Variants in SAMMSON observed in about 807,000 individuals in gnomAD.
SAMMSON encodes long intergenic non-protein coding RNA 1212.
chr3:70,204,452 G>C, intron 4 of SAMMSON: 1 of 152,110 alleles, frequency 6.6e-6, no homozygotes. Context: ...GTGGGTCTTA[G>C]GTTGGCTTCT....
intron 4 of SAMMSON, among the ~76,000 whole-genome samples, chr3:70,118,396 A>G (rs2067420008): frequency 6.6e-6 from 1 of 152,012 alleles, no homozygotes; most frequent in Admixed American, 6.5e-5. Flanking sequence ...GTTTATGTTG[A>G]CCTGAGATGT....
intron 3 of SAMMSON, among the ~76,000 whole-genome samples, chr3:70,023,460 CAA>C (rs34244262): frequency 2.3e-5 from 3 of 132,030 alleles, no homozygotes; most frequent in Admixed American, 1.5e-4. Flanking sequence ...GACTCTGTCT[CAA>C]AAAAAAAAAA....
At chr3:70,349,916 C>T (rs1050981419) in intron 7 of SAMMSON, among the ~76,000 whole-genome samples, 1 of 152,142 alleles carries the variant, frequency 6.6e-6, no homozygotes, top group Non-Finnish European at 1.5e-5. Flanking sequence ...GGGCAAATGT[C>T]AATGTGAAGT....
chr3:70,337,016 T>A (rs1438334923), intron 7 of SAMMSON, among the ~76,000 whole-genome samples: 1 of 141,406 alleles, frequency 7.1e-6, no homozygotes, highest in Non-Finnish European at 1.5e-5. Flanking sequence ...TAACTTAATA[T>A]TATTATTATT....
chr3:70,420,243 T>G (rs1380526665), intron 2 of SAMMSON, among the ~76,000 whole-genome samples: 3 of 152,182 alleles, frequency 2.0e-5, no homozygotes, highest in Non-Finnish European at 2.9e-5. Context: ...CTCTTTCCAC[T>G]GAGTGTCATG....
chr3:70,296,982 C>T (rs1467960901), intron 7 of SAMMSON, among the ~76,000 whole-genome samples: 3 of 151,992 alleles, frequency 2.0e-5, no homozygotes, highest in Non-Finnish European at 4.4e-5. Context: ...CTAATATCCC[C>T]ATGCTCCCCA....
At chr3:70,170,579 C>CTTTTTTTTTTTTTTTTTTTT (rs538385626) in intron 4 of SAMMSON, among the ~76,000 whole-genome samples, 4 of 105,498 alleles carry the variant, frequency 3.8e-5, no homozygotes, top group Non-Finnish European at 5.6e-5. Context: ...CTAGATTTTC[C>CTTTTTTTTTTTTTTTTTTTT]TTTTTTTTTT....
At chr3:70,388,189 G>A (rs1384884300) in intron 9 of SAMMSON, among the ~76,000 whole-genome samples, 4 of 152,092 alleles carry the variant, frequency 2.6e-5, no homozygotes, top group East Asian at 1.9e-4. Context: ...GCAGGATTGA[G>A]CAAACTGTAA....
At position 70,279,589 on chromosome 3, in the gene SAMMSON, C is replaced by T. The variant is rs55691252; in HGVS notation, n.675-11590C>T. Among the ~76,000 whole-genome samples the T allele has an allele frequency of 4.2e-3, 635 of 152,254 alleles. 1 individual carries two copies. Among genetic ancestry groups the T allele is most frequent in the Non-Finnish European group, 5.8e-3 (393 of 68,028 alleles). ...ACTCTTGATGAGCTCCCAGTCCAGA[C>T]GGAATCTGGGTTGAAGGCTCAGATT... On this transcript the variant is annotated intron_variant and non_coding_transcript_variant, in intron 6 of 9. Transcript: ENST00000642114.
At chr3:70,422,365 A>C (rs576161966) in intron 2 of SAMMSON, among the ~76,000 whole-genome samples, 11 of 152,188 alleles carry the variant, frequency 7.2e-5, no homozygotes, top group Admixed American at 6.5e-4. Context: ...ACTAACGTAC[A>C]TTAGGTAATT....
At chr3:70,380,530 CTTT>C (rs1301637624) in intron 9 of SAMMSON, among the ~76,000 whole-genome samples, 3 of 151,822 alleles carry the variant, frequency 2.0e-5, no homozygotes, top group Admixed American at 1.3e-4. Context: ...CCATTATTTT[CTTT>C]TTTTTCTTTT....
chr3:70,226,297 C>T (rs1701506604), intron 4 of SAMMSON, among the ~76,000 whole-genome samples: 1 of 152,156 alleles, frequency 6.6e-6, no homozygotes, highest in Non-Finnish European at 1.5e-5. Context: ...GTGTGAGAGG[C>T]ACTCAGGTCA....
intron 9 of SAMMSON, among the ~76,000 whole-genome samples, chr3:70,375,662 TTC>T (rs1703008559): frequency 6.6e-6 from 1 of 152,166 alleles, no homozygotes; most frequent in Non-Finnish European, 1.5e-5. Context: ...ATATGCCAAC[TTC>T]ATCTGCTTCT....
chr3:70,155,164 CT>C (rs2067586875), intron 4 of SAMMSON, among the ~76,000 whole-genome samples: 1 of 151,808 alleles, frequency 6.6e-6, no homozygotes, highest in Non-Finnish European at 1.5e-5. Context: ...GTCAGGTCAC[CT>C]ATTTGGGCCT....
At chr3:70,200,722 G>C (rs967836758) in intron 4 of SAMMSON, among the ~76,000 whole-genome samples, 4 of 152,100 alleles carry the variant, frequency 2.6e-5, no homozygotes, top group Admixed American at 6.6e-5. Flanking sequence ...CTCTCTCTCT[G>C]GTTGACTGAC....
At chr3:70,126,470 T>G in intron 4 of SAMMSON, 2 of 659,810 alleles carry the variant, frequency 3.0e-6, no homozygotes, top group Non-Finnish European at 5.6e-6. Flanking sequence ...CTTGAAGTAC[T>G]TCAGCAAGTC....
chr3:70,091,170 CAA>C (rs2067303553), intron 4 of SAMMSON, among the ~76,000 whole-genome samples: 1 of 152,108 alleles, frequency 6.6e-6, no homozygotes, highest in African/African-American at 2.4e-5. Context: ...GAAAAATGCA[CAA>C]GTCTATTTTT....
chr3:70,407,993 T>A (rs535248060), intron 2 of SAMMSON, among the ~76,000 whole-genome samples: 5 of 152,376 alleles, frequency 3.3e-5, no homozygotes, highest in Admixed American at 3.3e-4. Context: ...TTGACTTCTG[T>A]GAACTCGCAG....
At chr3:70,123,359 C>T (rs958341948) in intron 4 of SAMMSON, among the ~76,000 whole-genome samples, 9 of 152,326 alleles carry the variant, frequency 5.9e-5, no homozygotes, top group East Asian at 1.9e-4. Context: ...CTCTGCCTCC[C>T]GAGCTCAGGC....
Sources: allele counts gnomAD v4.1 joint callset (sites outside exome capture counted in the v4.1 genomes callset), GRCh38; gene constraint gnomAD v4.1.1; transcripts MANE v1.5; gene names NCBI Gene and HGNC (gene_info 2026-07-23, HGNC 2026-07-21).